The following NAA25 variants were observed in gnomAD, a reference collection of about 807,000 sequenced individuals.
The protein encoded by NAA25 is N-alpha-acetyltransferase 25, NatB auxiliary subunit.
Under a neutral mutation model 132.5 loss-of-function variants are expected in NAA25, and 30 were observed. The ratio of observed to expected loss-of-function variants is 0.23; its 90% CI spans 0.17 to 0.31. NAA25 has a LOEUF of 0.31. Ranked by LOEUF, NAA25 falls within the 10% of genes least tolerant of loss-of-function variation. The probability of loss-of-function intolerance (pLI) is 1.00; values close to 1 mark genes in which losing one functional copy is unlikely to be tolerated. For missense variants in NAA25, 771 were observed against 1,150.4 expected (o/e 0.67, Z 4.77); for synonymous variants, 359 against 401.9 (o/e 0.89, Z 1.28).
chr12:112,062,270 G>A (rs951779909), intron 11 of NAA25, among the ~76,000 whole-genome samples: 8 of 151,884 alleles, frequency 5.3e-5, no homozygotes, highest in Admixed American at 1.3e-4. Flanking sequence ...GCATGGTGGC[G>A]CGCACCTGTA....
chr12:112,078,760 TG>T lies in NAA25; in HGVS notation c.478-20del. ...ATATAGACTGAAAGAAGAAAAATAA[TG>T]TTTCATTCTAATTCTCCCCTGCTTG... On this transcript the variant is annotated intron_variant, in intron 5 of 23. Coordinates refer to ENST00000261745, the MANE Select transcript of NAA25 (RefSeq NM_024953.4). The T allele has an allele frequency of 6.3e-7, 1 of 1,586,114 alleles. No individual in the cohort carries two copies.
rs983653498 is a variant in NAA25 at position 112,069,418 on chromosome 12, G to A, written c.1037-426C>T. The stretch of plus-strand genomic sequence containing the variant: ...GCTTGAGAGGATAAGGCAAAGGATC[G>A]CTTGAACCGAGAAGGTGGATGTTGC... On this transcript the variant is annotated intron_variant, in intron 10 of 23. Transcript: ENST00000261745. Among the ~76,000 whole-genome samples, 29 of 152,252 alleles carry A rather than the reference G, an allele frequency of 1.9e-4. 1 individual carries two copies. The highest frequency in any genetic ancestry group is 6.8e-3 in the Middle Eastern group (2 of 294).
Position 112,049,316 on chromosome 12 carries a change from G to C in NAA25, c.1729-873C>G, listed in dbSNP as rs572279902. ...TCAGAAGACAGGAGATTACCCCTTT[G>C]GGCCAAGGAAACTATTATGCTCAAA... On this transcript the variant is annotated intron_variant, in intron 15 of 23. Transcript: ENST00000261745. The surrounding 1 kb of genome is among the most constrained non-coding windows in gnomAD (Gnocchi z 4.7). Among the ~76,000 whole-genome samples the C allele has an allele frequency of 2.3e-3, 343 of 152,252 alleles. No individual in the cohort carries two copies. The highest frequency in any genetic ancestry group is 7.2e-3 in the African/African-American group (300 of 41,550).
chr12:112,040,983 A>C (rs1397414724), intron 20 of NAA25, among the ~76,000 whole-genome samples: 1 of 152,016 alleles, frequency 6.6e-6, no homozygotes, highest in African/African-American at 2.4e-5. Flanking sequence ...TATTATCATA[A>C]TCTTAATCAT....
At chr12:112,062,280 A>AATCCCCG (rs2078642610) in intron 11 of NAA25, among the ~76,000 whole-genome samples, 1 of 152,050 alleles carries the variant, frequency 6.6e-6, no homozygotes, top group Admixed American at 6.6e-5. Context: ...GCGCACCTGT[A>AATCCCCG]ATCCCCGCTA....
chr12:112,056,116 C>T (rs761762833), intron 13 of NAA25, among the ~76,000 whole-genome samples: 3 of 152,112 alleles, frequency 2.0e-5, no homozygotes, highest in Non-Finnish European at 4.4e-5. Context: ...AGCGGATCAC[C>T]TCAGGTCAGG....
intron 1 of NAA25, among the ~76,000 whole-genome samples, chr12:112,093,748 C>T (rs1362874036): frequency 6.6e-6 from 1 of 151,622 alleles, no homozygotes; most frequent in East Asian, 1.9e-4. Context: ...GGCATGTTGC[C>T]ATGCACCTGT....
intron 20 of NAA25, among the ~76,000 whole-genome samples, chr12:112,041,424 G>A (rs1191351813): frequency 1.3e-5 from 2 of 152,054 alleles, no homozygotes; most frequent in African/African-American, 2.4e-5. Context: ...TCCTGACCTC[G>A]TGATCTGCCT....
intron 9 of NAA25, 72 bp downstream of exon 9, chr12:112,074,603 G>T: frequency 1.3e-6 from 1 of 789,158 alleles, no homozygotes; most frequent in Non-Finnish European, 2.0e-6. Context: ...AATTCAATTG[G>T]CTTATAATGA....
intron 13 of NAA25, among the ~76,000 whole-genome samples, chr12:112,057,631 G>A (rs2078566215): frequency 1.3e-5 from 2 of 152,192 alleles, no homozygotes; most frequent in Admixed American, 1.3e-4. Flanking sequence ...AAGGCAGACA[G>A]ATCACCTGAG....
intron 13 of NAA25, among the ~76,000 whole-genome samples, chr12:112,055,921 C>A (rs544735375): frequency 7.2e-5 from 11 of 152,020 alleles, no homozygotes; most frequent in African/African-American, 2.7e-4. Flanking sequence ...AAAGATAGGC[C>A]GGGCATAGTA....
chr12:112,095,435 T>TAA (rs11433063), intron 1 of NAA25, among the ~76,000 whole-genome samples: 1 of 141,624 alleles, frequency 7.1e-6, no homozygotes, highest in South Asian at 2.2e-4. Flanking sequence ...AGACTCCGTC[T>TAA]AAAAAAAAAA....
intron 4 of NAA25, among the ~76,000 whole-genome samples, chr12:112,086,100 A>C (rs56791553): frequency 7.5e-6 from 1 of 133,546 alleles, no homozygotes; most frequent in Admixed American, 7.7e-5. Context: ...ACACACACAC[A>C]CACCCATAAC....
In NAA25 at chr12:112,028,466, G is replaced by A. The variant is rs2078109019; in HGVS notation, c.*1065C>T. ...CATCCTGTTATAATTCTCTAAGTTT[G>A]AAGAAAGTAGTCCAAACCTCAAACC... is the stretch of plus-strand genomic sequence containing the variant. On this transcript the variant is annotated 3_prime_UTR_variant, in exon 24 of 24. Transcript: ENST00000261745. 6.6e-6 allele frequency: 1 copy of A among 152,260 alleles called. No individual in the cohort carries two copies. Among genetic ancestry groups the A allele is most frequent in the Non-Finnish European group, 1.5e-5 (1 of 68,024 alleles). The allele number at this position is 152,260 out of a possible 1,614,324, so 9.4% of individuals were successfully genotyped here. A position where few individuals can be genotyped will look rare whatever the true frequency, so the allele number is the denominator to read the frequency against.
intron 1 of NAA25, among the ~76,000 whole-genome samples, chr12:112,096,790 T>G (rs1386921716): frequency 6.6e-6 from 1 of 152,204 alleles, no homozygotes; most frequent in Non-Finnish European, 1.5e-5. Flanking sequence ...GATGCTGATC[T>G]CATTCTGAGT....
At chr12:112,058,875 A>G (rs1483783152) in intron 13 of NAA25, among the ~76,000 whole-genome samples, 1 of 151,794 alleles carries the variant, frequency 6.6e-6, no homozygotes, top group African/African-American at 2.4e-5. Flanking sequence ...TGGCTAACAC[A>G]GTGAAACCCC....
In NAA25 at chr12:112,081,591, T is replaced by C. The variant is rs11066151; in HGVS notation, c.403-457A>G. ...AATTCTTCTTAGCTTAGGAAAATAA[T>C]ATGGTTCCTTCAAGATTCCAATAAT... is the stretch of plus-strand genomic sequence containing the variant. On this transcript the variant is annotated intron_variant, in intron 4 of 23. Transcript: ENST00000261745. 0.056 allele frequency among the ~76,000 whole-genome samples: 8,448 copies of C among 152,210 alleles called. 1,295 individuals carry two copies. The East Asian group carries it at 0.61, about 11-fold the overall frequency.
intron 4 of NAA25, among the ~76,000 whole-genome samples, chr12:112,082,745 C>T (rs1042776459): frequency 8.0e-6 from 1 of 125,634 alleles, no homozygotes; most frequent in African/African-American, 3.2e-5. Flanking sequence ...AGCCATCTTT[C>T]AGATGACTTT....
chr12:112,040,729 T>C (rs976362833), intron 20 of NAA25, 151 bp from the exon 21 acceptor site: 5 of 571,924 alleles, frequency 8.7e-6, no homozygotes, highest in African/African-American at 1.9e-5. Flanking sequence ...CTCCAAAGGA[T>C]AGACTATCCA....
Sources: allele counts gnomAD v4.1 joint callset (sites outside exome capture counted in the v4.1 genomes callset), GRCh38; gene constraint gnomAD v4.1.1; non-coding constraint Gnocchi (gnomAD v3.1); transcripts MANE v1.5; gene names NCBI Gene and HGNC (gene_info 2026-07-23, HGNC 2026-07-21).